CDC42BPA: variants seen among roughly 807,000 people sequenced by gnomAD.
The protein encoded by CDC42BPA is CDC42 binding protein kinase alpha, also known as serine/threonine-protein kinase MRCK alpha.
In CDC42BPA, 80 loss-of-function variants were observed where a neutral mutation model predicts 223.5. That is an observed-to-expected ratio of 0.36 (90% CI 0.30 to 0.43). The LOEUF is 0.43. Among genes scored for constraint, CDC42BPA ranks in the 20% least tolerant of loss-of-function variants. The pLI is 1.00. For missense variants in CDC42BPA, 1,743 were observed against 2,099.9 expected, an observed-to-expected ratio of 0.83 and a Z score of 3.32; for synonymous variants, 694 against 718.6, an observed-to-expected ratio of 0.97 and a Z score of 0.55.
chr1:227,156,008 G>T (rs1453288963), intron 6 of CDC42BPA, among the ~76,000 whole-genome samples: 1 of 152,082 alleles, frequency 6.6e-6, no homozygotes, highest in East Asian at 1.9e-4. Context: ...AATGCTCAAA[G>T]CACCACTGAA....
At chr1:227,106,284 T>C (rs1685909022) in intron 14 of CDC42BPA, among the ~76,000 whole-genome samples, 1 of 152,168 alleles carries the variant, frequency 6.6e-6, no homozygotes, top group Non-Finnish European at 1.5e-5. Context: ...CATTTTTTGA[T>C]TGAGTTGTCT....
At chr1:227,025,309 G>C (rs1668059919) in intron 31 of CDC42BPA, among the ~76,000 whole-genome samples, 1 of 152,126 alleles carries the variant, frequency 6.6e-6, no homozygotes, top group African/African-American at 2.4e-5. Flanking sequence ...TTACAAACTA[G>C]AGTATATTTT....
rs777124731 is a variant in CDC42BPA, at chr1:227,100,777, T to TGTGTGTGC, written c.2249+214_2249+215insGCACACAC. Among the ~76,000 whole-genome samples the TGTGTGTGC allele has an allele frequency of 6.2e-5, 8 of 128,508 alleles. No individual in the cohort carries two copies. In the South Asian group the frequency reaches 6.7e-4, roughly 11 times the overall value. The allele number at this position is 128,508 out of a possible 152,430, so 84.3% of individuals were successfully genotyped here. ...GTGTGTGTGTGTGTGTGTGTGTGTG[T>TGTGTGTGC]GCGTGTGCCATCATACCCAGCTAGA... On this transcript the variant is annotated intron_variant, in intron 15 of 36. Coordinates refer to ENST00000366766, the MANE Select transcript of CDC42BPA (RefSeq NM_001394014.1).
chr1:227,088,109 G>C (rs1013728029), intron 16 of CDC42BPA, among the ~76,000 whole-genome samples: 2 of 152,186 alleles, frequency 1.3e-5, no homozygotes, highest in Non-Finnish European at 2.9e-5. Context: ...ATAAAAGCAT[G>C]GACTCCGGAG....
intron 34 of CDC42BPA, among the ~76,000 whole-genome samples, chr1:227,013,730 T>C (rs1005435212): frequency 6.6e-6 from 1 of 152,044 alleles, no homozygotes; most frequent in African/African-American, 2.4e-5. Flanking sequence ...AACAAAAGTG[T>C]AAAAAATTTA....
At chr1:227,243,880 C>G (rs766076314) in intron 2 of CDC42BPA, among the ~76,000 whole-genome samples, 27 of 151,786 alleles carry the variant, frequency 1.8e-4, no homozygotes, top group Non-Finnish European at 3.4e-4. Flanking sequence ...TTACCCAACC[C>G]CAAAATGTGT....
intron 17 of CDC42BPA, among the ~76,000 whole-genome samples, chr1:227,080,660 A>G (rs1199739683): frequency 6.6e-6 from 1 of 152,186 alleles, no homozygotes; most frequent in African/African-American, 2.4e-5. Context: ...ATTTCAATGA[A>G]GCTGTGTTAA....
chr1:227,275,936 T>C (rs1463601638), intron 1 of CDC42BPA, among the ~76,000 whole-genome samples: 1 of 141,894 alleles, frequency 7.0e-6, no homozygotes, highest in Non-Finnish European at 1.5e-5. Flanking sequence ...TGCAGTGGCC[T>C]GATCTCGGCT....
At chr1:227,236,723 C>A (rs1442448315) in intron 2 of CDC42BPA, among the ~76,000 whole-genome samples, 1 of 152,002 alleles carries the variant, frequency 6.6e-6, no homozygotes, top group East Asian at 1.9e-4. Context: ...CCGATCACAA[C>A]CCCCACCTTT....
At chr1:227,074,486 C>A (rs1679060338) in intron 17 of CDC42BPA, 122 bp from the exon 18 acceptor site, 2 of 689,846 alleles carry the variant, frequency 2.9e-6, no homozygotes, top group African/African-American at 1.8e-5. Context: ...TAAATAATTT[C>A]TTTGAAAAGG....
Position 227,199,500 on chromosome 1 carries a change from T to C in CDC42BPA, c.450+57A>G, listed in dbSNP as rs1415291697. On this transcript the variant is annotated intron_variant, in intron 4 of 36. Coordinates refer to ENST00000366766, the MANE Select transcript of CDC42BPA (RefSeq NM_001394014.1). Reference sequence around the variant, plus strand: ...CATTTAAACAATGCTTAAATAAAAATAATGCTAATTCTTCCAACAAAAAAA... The same window carrying C: ...CATTTAAACAATGCTTAAATAAAAACAATGCTAATTCTTCCAACAAAAAAA... 6.1e-6 allele frequency: 6 copies of C among 977,310 alleles called. No homozygotes were observed. The East Asian group carries it at 1.0e-4, about 16-fold the overall frequency. 60.5% of individuals were successfully genotyped at this position (977,310 alleles called of 1,614,324 possible). A position where few individuals can be genotyped will look rare whatever the true frequency, so the allele number is the denominator to read the frequency against.
intron 2 of CDC42BPA, among the ~76,000 whole-genome samples, chr1:227,218,983 T>C (rs16847460): frequency 0.014 from 2,148 of 152,300 alleles, 51 homozygotes; most frequent in African/African-American, 0.049. Flanking sequence ...TGGGACAGCA[T>C]GGGCATCAAC....
At chr1:227,278,039 G>A (rs965297281) in intron 1 of CDC42BPA, among the ~76,000 whole-genome samples, 5 of 152,166 alleles carry the variant, frequency 3.3e-5, no homozygotes, top group African/African-American at 7.2e-5. Context: ...GTGAGCCACC[G>A]CACCCAGCCA....
chr1:227,220,315 C>T (rs55772083), intron 2 of CDC42BPA, among the ~76,000 whole-genome samples: 1,897 of 49,770 alleles, frequency 0.038, 36 homozygotes, highest in African/African-American at 0.12. Flanking sequence ...TATATATACA[C>T]ACACACACAC....
chr1:227,156,112 T>G (rs538164753), intron 6 of CDC42BPA, among the ~76,000 whole-genome samples: 35 of 131,532 alleles, frequency 2.7e-4, no homozygotes, highest in South Asian at 8.5e-4. Flanking sequence ...TAAAGTTTCT[T>G]CATTATAGTT....
intron 1 of CDC42BPA, among the ~76,000 whole-genome samples, chr1:227,311,245 C>T (rs957815005): frequency 1.3e-5 from 2 of 149,508 alleles, no homozygotes; most frequent in East Asian, 4.0e-4. Flanking sequence ...CTTGTAGCTC[C>T]AGCTACTTGG....
At chr1:227,268,667 C>CATATATATATGT (rs1685461205) in intron 1 of CDC42BPA, among the ~76,000 whole-genome samples, 1 of 139,030 alleles carries the variant, frequency 7.2e-6, no homozygotes, top group African/African-American at 2.8e-5. Flanking sequence ...TATATATATA[C>CATATATATATGT]ATATATATAT....
In CDC42BPA at chr1:227,317,673, T is replaced by C. The variant is rs909953990; in HGVS notation, c.-491A>G. ...CAGAAAAGGGAGGAAAAAAACAGAA[T>C]GCATAGAAGGGGGAGGGAAAACCAA... is the stretch of plus-strand genomic sequence containing the variant. On this transcript the variant is annotated 5_prime_UTR_variant, in exon 1 of 37. Coordinates refer to ENST00000366766, the MANE Select transcript of CDC42BPA (RefSeq NM_001394014.1). 1 of 398,320 alleles carries C rather than the reference T, an allele frequency of 2.5e-6. No individual in the cohort carries two copies. The highest frequency in any genetic ancestry group is 2.1e-5 in the African/African-American group (1 of 48,530). The allele number at this position is 398,320 out of a possible 1,614,324, so 24.7% of individuals were successfully genotyped here. A position where few individuals can be genotyped will look rare whatever the true frequency, so the allele number is the denominator to read the frequency against.
intron 3 of CDC42BPA, among the ~76,000 whole-genome samples, chr1:227,204,128 G>A (rs916603057): frequency 6.6e-6 from 1 of 152,082 alleles, no homozygotes; most frequent in African/African-American, 2.4e-5. Context: ...TAATATTTGA[G>A]GGAAAGAACA....
Sources: allele counts gnomAD v4.1 joint callset (sites outside exome capture counted in the v4.1 genomes callset), GRCh38; gene constraint gnomAD v4.1.1; transcripts MANE v1.5; gene names NCBI Gene and HGNC (gene_info 2026-07-23, HGNC 2026-07-21).